Variants in HEXB observed in about 807,000 individuals in gnomAD.
HEXB encodes beta-hexosaminidase subunit beta.
Under a neutral mutation model 71.2 loss-of-function variants are expected in HEXB, and 51 were observed. That is an observed-to-expected ratio of 0.72 (90% CI 0.57 to 0.90). The LOEUF (loss-of-function observed/expected upper bound fraction) is 0.90, where lower values mean the gene tolerates loss of function less well. HEXB is among the 40% of genes least tolerant of loss of function. The probability of loss-of-function intolerance (pLI) is 0.00; values close to 1 mark genes in which losing one functional copy is unlikely to be tolerated. For missense variants in HEXB, 617 were observed against 677.0 expected (o/e 0.91, Z 0.98); for synonymous variants, 266 against 249.3 (o/e 1.07, Z -0.63).
chr5:74,714,150 T>C (rs1437241867), intron 7 of HEXB, among the ~76,000 whole-genome samples: 3 of 152,198 alleles, frequency 2.0e-5, no homozygotes, highest in African/African-American at 7.2e-5. Flanking sequence ...TTGTATTTTA[T>C]AAGTTGCAAA....
At chr5:74,706,082 A>G (rs1749380375) in intron 6 of HEXB, 1 of 152,300 alleles carries the variant, frequency 6.6e-6, no homozygotes, top group South Asian at 2.1e-4. Context: ...AGTTTAATGA[A>G]CTCCCATGTT....
intron 1 of HEXB, among the ~76,000 whole-genome samples, chr5:74,671,921 A>G (rs1311929806): frequency 6.6e-6 from 1 of 152,152 alleles, no homozygotes; most frequent in Non-Finnish European, 1.5e-5. Flanking sequence ...CTAGGAAAGT[A>G]TTCTCCTCAC....
Position 74,721,184 on chromosome 5 carries a change from G to C in HEXB, c.*9G>C. On this transcript the variant is annotated 3_prime_UTR_variant, in exon 14 of 14. Transcript: ENST00000261416. ...ACCATGAGAACATGTAAAAAATGGA[G>C]GGGAAAAAGGCCACAGCAATCTGTA... 6.2e-7 allele frequency: 1 copy of C among 1,608,088 alleles called. No individual in the cohort carries two copies. The highest frequency in any genetic ancestry group is 1.7e-4 in the Middle Eastern group (1 of 6,046).
Position 74,685,434 on chromosome 5 carries a change from C to G in HEXB, c.174C>G (p.Pro58=). 1 of 1,608,242 alleles carries G rather than the reference C, an allele frequency of 6.2e-7. No individual in the cohort carries two copies. Among genetic ancestry groups the G allele is most frequent in the Non-Finnish European group, 8.5e-7 (1 of 1,178,018 alleles). ...VSAKPGPALW[P]LPLLVKMTPN... ...CCAAGCCGGGGCCGGCGCTGTGGCC[C>G]CTGCCGCTCTTGGTGAAGATGACCC... The change falls in exon 1 of 14, where the codon CCC becomes CCG. Residue 58 remains proline (P), a synonymous_variant. Transcript: ENST00000261416.
chr5:74,688,592 C>T (rs112852523), intron 1 of HEXB, among the ~76,000 whole-genome samples: 3 of 152,302 alleles, frequency 2.0e-5, no homozygotes, highest in African/African-American at 7.2e-5. Flanking sequence ...ATCCTCCCGC[C>T]TTGGCCTCCC....
chr5:74,674,364 G>C (rs1424297163), intron 1 of HEXB, among the ~76,000 whole-genome samples: 1 of 152,144 alleles, frequency 6.6e-6, no homozygotes, highest in East Asian at 1.9e-4. Context: ...GGCACTTTGG[G>C]AGGCCGAGGC....
intron 4 of HEXB, 103 bp from the exon 5 acceptor site, chr5:74,696,893 A>G (rs1435505631): frequency 7.7e-6 from 6 of 777,778 alleles, no homozygotes; most frequent in Non-Finnish European, 1.3e-5. Flanking sequence ...TTGTTGTTCT[A>G]AATTAATATT....
At chr5:74,703,728 T>C (rs749501012) in intron 5 of HEXB, among the ~76,000 whole-genome samples, 3 of 152,200 alleles carry the variant, frequency 2.0e-5, no homozygotes, top group Admixed American at 6.5e-5. Context: ...TGCAGAGGTA[T>C]GAGCTCAGCT....
intron 1 of HEXB, among the ~76,000 whole-genome samples, chr5:74,671,914 G>A (rs987490024): frequency 2.0e-5 from 3 of 152,166 alleles, no homozygotes; most frequent in African/African-American, 4.8e-5. Flanking sequence ...GTGAATGCTA[G>A]GAAAGTATTC....
intron 1 of HEXB, among the ~76,000 whole-genome samples, chr5:74,653,459 A>G (rs1358927375): frequency 2.0e-5 from 3 of 152,344 alleles, no homozygotes; most frequent in Admixed American, 6.5e-5. Flanking sequence ...CCAGCAAAGC[A>G]TATGAAACCA....
upstream of HEXB, among the ~76,000 whole-genome samples, chr5:74,683,597 C>T (rs1417139637): frequency 6.6e-6 from 1 of 152,048 alleles, no homozygotes; most frequent in Non-Finnish European, 1.5e-5. Flanking sequence ...AGCCACCATG[C>T]CCAACAGTGG....
chr5:74,660,627 T>C (rs1748301130), intron 1 of HEXB, among the ~76,000 whole-genome samples: 1 of 152,232 alleles, frequency 6.6e-6, no homozygotes, highest in East Asian at 1.9e-4. Flanking sequence ...AATTAGAACT[T>C]GTTTGCCTAA....
rs1235677626 is a variant in HEXB at position 74,715,717 on chromosome 5, A to G, written c.1082+27A>G. 7.0e-6 allele frequency: 3 copies of G among 427,980 alleles called. No homozygotes were observed. In the South Asian group the frequency reaches 1.3e-4, roughly 19 times the overall value. 26.5% of individuals were successfully genotyped at this position (427,980 alleles called of 1,614,324 possible). A position where few individuals can be genotyped will look rare whatever the true frequency, so the allele number is the denominator to read the frequency against. On this transcript the variant is annotated intron_variant, in intron 8 of 13. Transcript: ENST00000261416. ...TAAGATGATTCCTTAAAACCCCTTTAAAAAAAAAAAAAAGAGAGGCTGGGT... is the reference window on the plus strand; with the variant it reads ...TAAGATGATTCCTTAAAACCCCTTTGAAAAAAAAAAAAAGAGAGGCTGGGT...
chr5:74,705,091 CA>C lies in HEXB; in HGVS notation c.670-107del, dbSNP rs10644603. ...TGGGCAATGGAGTGAGACCCTGTCT[CA>C]AAAAAAAAAAAAAAAAAAAAGTTTT... On this transcript the variant is annotated intron_variant, in intron 5 of 13. Coordinates refer to ENST00000261416, the MANE Select transcript of HEXB (RefSeq NM_000521.4). 177,668 of 438,016 alleles carry C rather than the reference CA, an allele frequency of 0.41. 9,717 individuals are homozygous for C. Among genetic ancestry groups the C allele is most frequent in the East Asian group, 0.43 (9,885 of 22,876 alleles). The allele number at this position is 438,016 out of a possible 1,614,324, so 27.1% of individuals were successfully genotyped here. A position where few individuals can be genotyped will look rare whatever the true frequency, so the allele number is the denominator to read the frequency against.
At chr5:74,708,156 A>AT (rs1352592772) in intron 6 of HEXB, among the ~76,000 whole-genome samples, 1 of 151,976 alleles carries the variant, frequency 6.6e-6, no homozygotes, top group Admixed American at 6.6e-5. Context: ...AAAGAAAAGA[A>AT]TTTTCAACCC....
rs1342388105 is a variant in HEXB at position 74,685,497 on chromosome 5, C to T, written c.237C>T (p.Ile79=). Residue 79 remains isoleucine (I), a synonymous_variant, in exon 1 of 14, where the codon ATC becomes ATT. Coordinates refer to ENST00000261416, the MANE Select transcript of HEXB (RefSeq NM_000521.4). ...ATCTCGCCCCGGAGAACTTCTACAT[C>T]AGCCACAGCCCCAATTCCACGGCGG... The part of the protein sequence containing the change: ...LLHLAPENFY[I]SHSPNSTAGP... 2 of 1,609,812 alleles carry T rather than the reference C, an allele frequency of 1.2e-6. No homozygotes were observed. The highest frequency in any genetic ancestry group is 1.3e-5 in the African/African-American group (1 of 74,556).
chr5:74,698,053 CT>C (rs1749155552), intron 5 of HEXB, among the ~76,000 whole-genome samples: 1 of 151,350 alleles, frequency 6.6e-6, no homozygotes, highest in Non-Finnish European at 1.5e-5. Flanking sequence ...TGAAACTATG[CT>C]ATTTAAAAAT....
At chr5:74,711,975 T>A (rs1218830659) in intron 6 of HEXB, among the ~76,000 whole-genome samples, 4 of 147,936 alleles carry the variant, frequency 2.7e-5, no homozygotes, top group Non-Finnish European at 5.9e-5. Flanking sequence ...TAAAGACACA[T>A]GCACACGTAT....
At chr5:74,645,993 C>G (rs1747995716) in intron 1 of HEXB, among the ~76,000 whole-genome samples, 1 of 151,224 alleles carries the variant, frequency 6.6e-6, no homozygotes, top group Non-Finnish European at 1.5e-5. Context: ...AGTAGAGACT[C>G]TAGAACCAAA....
Sources: allele counts gnomAD v4.1 joint callset (sites outside exome capture counted in the v4.1 genomes callset), GRCh38; gene constraint gnomAD v4.1.1; transcripts MANE v1.5; gene names NCBI Gene and HGNC (gene_info 2026-07-23, HGNC 2026-07-21).